The following SH3KBP1 variants were observed in gnomAD, a reference collection of about 807,000 sequenced individuals.
The protein encoded by SH3KBP1 is SH3 domain-containing kinase-binding protein 1.
Under a neutral mutation model 50.1 loss-of-function variants are expected in SH3KBP1, and 8 were observed. That is an observed-to-expected ratio of 0.16 (90% CI 0.09 to 0.29). The LOEUF is 0.29. Ranked by LOEUF, SH3KBP1 falls within the 10% of genes least tolerant of loss-of-function variation. The probability of loss-of-function intolerance (pLI) is 1.00; values close to 1 mark genes in which losing one functional copy is unlikely to be tolerated. For synonymous variants in SH3KBP1, 227 were observed against 218.6 expected (o/e 1.04, Z -0.34); for missense variants, 377 against 535.2 (o/e 0.70, Z 2.92).
At chrX:19,595,260 G>A (rs2066867876) in intron 9 of SH3KBP1, among the ~76,000 whole-genome samples, 1 of 112,439 alleles carries the variant, frequency 8.9e-6, no homozygotes, top group Admixed American at 9.4e-5. Flanking sequence ...ACAGCCTTCT[G>A]GAAAAGCACG....
intron 5 of SH3KBP1, among the ~76,000 whole-genome samples, chrX:19,688,392 G>A (rs2063213244): frequency 8.9e-6 from 1 of 111,786 alleles, no homozygotes; most frequent in African/African-American, 3.3e-5. Context: ...ATCTTAATTG[G>A]GATTCTGCTG....
intron 2 of SH3KBP1, among the ~76,000 whole-genome samples, chrX:19,811,662 C>A (rs145884759): frequency 8.9e-6 from 1 of 111,839 alleles, no homozygotes. Flanking sequence ...TTCCATGATA[C>A]GCAAAAACAG....
At chrX:19,725,971 T>A (rs1036983669) in intron 3 of SH3KBP1, among the ~76,000 whole-genome samples, 1 of 111,593 alleles carries the variant, frequency 9.0e-6, no homozygotes, top group Admixed American at 9.5e-5. Context: ...GCACAGAGTG[T>A]CTGAGAGTGG....
intron 1 of SH3KBP1, among the ~76,000 whole-genome samples, chrX:19,873,418 C>T (rs1169233270): frequency 9.4e-6 from 1 of 106,601 alleles, no homozygotes; most frequent in Non-Finnish European, 1.9e-5. Flanking sequence ...CACCTGTAAT[C>T]TCAGCACTTT....
chrX:19,668,961 TATATATATATA>T (rs1366229861), intron 6 of SH3KBP1, among the ~76,000 whole-genome samples: 641 of 60,259 alleles, frequency 0.011, 13 homozygotes, highest in African/African-American at 0.019. Flanking sequence ...TATATATATA[TATATATATATA>T]TATTTTTTGA....
At chrX:19,572,564 G>A (rs769041454) in intron 12 of SH3KBP1, among the ~76,000 whole-genome samples, 6 of 108,532 alleles carry the variant, frequency 5.5e-5, no homozygotes, top group Non-Finnish European at 1.1e-4. Context: ...AGAGTAAAAT[G>A]TTTTTGTTTT....
At chrX:19,738,982 G>A (rs1258939676) in intron 3 of SH3KBP1, among the ~76,000 whole-genome samples, 2 of 88,898 alleles carry the variant, frequency 2.2e-5, no homozygotes, top group Non-Finnish European at 4.2e-5. Context: ...CTGTACTCCA[G>A]CCTAGGGGAT....
chrX:19,550,058 T>A lies in SH3KBP1; in HGVS notation c.1410A>T (p.Val470=). The change falls in exon 14 of 18, where the codon GTA becomes GTT. Residue 470 remains valine (V), a synonymous_variant. Transcript: ENST00000397821. The stretch of plus-strand genomic sequence containing the variant: ...GATGACTGAGTTTCTCAGTAGATGA[T>A]ACCACGGAGTCAAAACCTTCTAAGT... ...DIDLEGFDSV[V]SSTEKLSHPT... is the part of the protein sequence containing the mutation. The A allele has an allele frequency of 1.7e-6, 2 of 1,207,463 alleles. 1 individual carries two copies. Among genetic ancestry groups the A allele is most frequent in the Non-Finnish European group, 2.2e-6 (2 of 892,767 alleles).
chrX:19,802,288 G>A, intron 2 of SH3KBP1, among the ~76,000 whole-genome samples: 1 of 111,090 alleles, frequency 9.0e-6, no homozygotes, highest in East Asian at 2.8e-4. Context: ...CCAGCTACTC[G>A]AGAGGCTGAG....
chrX:19,593,931 GC>G (rs1454796561), intron 10 of SH3KBP1, among the ~76,000 whole-genome samples: 1 of 112,198 alleles, frequency 8.9e-6, no homozygotes, highest in Admixed American at 9.4e-5. Flanking sequence ...TGGGGGCGGA[GC>G]AAAAGATGTA....
chrX:19,772,161 G>C (rs772308063), intron 2 of SH3KBP1, among the ~76,000 whole-genome samples: 1 of 111,718 alleles, frequency 9.0e-6, no homozygotes, highest in African/African-American at 3.2e-5. Flanking sequence ...AGAGGAAAAA[G>C]AGAAAAACAG....
At position 19,734,403 on chromosome X, in the gene SH3KBP1, G is replaced by T. The variant is rs1032921828; in HGVS notation, c.286+11915C>A. Among the ~76,000 whole-genome samples the T allele has an allele frequency of 2.7e-5, 3 of 112,023 alleles. No individual in the cohort carries two copies. In the Admixed American group the frequency reaches 2.8e-4, roughly 11 times the overall value. ...ATAATTTTAAAGACTTGAATAAATG[G>T]AATGACACATCTTGTCCCTCAGCTG... On this transcript the variant is annotated intron_variant, in intron 3 of 17. Transcript: ENST00000397821.
At chrX:19,850,356 G>A (rs977097003) in intron 1 of SH3KBP1, among the ~76,000 whole-genome samples, 1 of 111,001 alleles carries the variant, frequency 9.0e-6, no homozygotes, top group Non-Finnish European at 1.9e-5. Flanking sequence ...GCTAATTTTT[G>A]TATTTTTAGT....
intron 1 of SH3KBP1, among the ~76,000 whole-genome samples, chrX:19,866,706 G>A (rs1182000295): frequency 3.0e-5 from 3 of 100,883 alleles, no homozygotes; most frequent in African/African-American, 1.2e-4. Context: ...AAAAAAAAAA[G>A]AAAAGAAAAA....
chrX:19,794,900 G>A (rs779678539), intron 2 of SH3KBP1, among the ~76,000 whole-genome samples: 5 of 110,618 alleles, frequency 4.5e-5, no homozygotes, highest in Non-Finnish European at 9.5e-5. Context: ...GACTCTGGGT[G>A]CCAAGAAAGT....
chrX:19,703,631 T>A (rs2063575339), intron 4 of SH3KBP1, among the ~76,000 whole-genome samples: 1 of 109,796 alleles, frequency 9.1e-6, no homozygotes. Context: ...TTCAACTCTT[T>A]CAAAAAAACT....
At chrX:19,734,423 C>T (rs758815643) in intron 3 of SH3KBP1, among the ~76,000 whole-genome samples, 2 of 111,914 alleles carry the variant, frequency 1.8e-5, no homozygotes, top group South Asian at 7.4e-4. Context: ...TCTTGTCCCT[C>T]AGCTGTGGGA....
rs1473872344 is a variant in SH3KBP1, at chrX:19,594,994, T to C, written c.1012A>G (p.Lys338Glu). The stretch of plus-strand genomic sequence containing the variant: ...GGAGCGGATGGAGGCGGTGGCTTCT[T>C]GGGTCTCTGAAAAATTAATAAAAAT... ...PDFEKEGNRPKKPPPPSAPVI... is the reference protein window; with the variant it reads ...PDFEKEGNRPEKPPPPSAPVI... The change falls in exon 10 of 18, where the codon AAG becomes GAG. Residue 338 changes from lysine (K) to glutamate (E), a missense_variant. By Grantham distance (56) the Lys-to-Glu change is moderately conservative. Transcript: ENST00000397821. 8.4e-7 allele frequency: 1 copy of C among 1,193,153 alleles called. No homozygotes were observed. Among genetic ancestry groups the C allele is most frequent in the Non-Finnish European group, 1.1e-6 (1 of 880,154 alleles).
intron 3 of SH3KBP1, among the ~76,000 whole-genome samples, chrX:19,743,353 G>A (rs1310391741): frequency 9.1e-6 from 1 of 109,975 alleles, no homozygotes; most frequent in Non-Finnish European, 1.9e-5. Context: ...AGGCTGCAGT[G>A]AGCCATGATC....
Sources: gnomAD v4.1 joint callset for allele counts (sites outside exome capture counted in the v4.1 genomes callset) on GRCh38, gnomAD v4.1.1 for gene constraint, MANE v1.5 for transcripts, NCBI Gene and HGNC (gene_info 2026-07-23, HGNC 2026-07-21) for gene names.